The following STX6 variants were observed in gnomAD, a reference collection of about 807,000 sequenced individuals.
STX6 encodes the protein syntaxin 6.
A neutral mutation model predicts 38.0 loss-of-function variants in STX6; 23 were observed. That is an observed-to-expected ratio of 0.60 (90% CI 0.43 to 0.86). The LOEUF is 0.86. Among genes scored for constraint, STX6 ranks in the 40% least tolerant of loss-of-function variants. The pLI, the probability that STX6 is intolerant of heterozygous loss-of-function variation, is 0.00. For synonymous variants in STX6, 123 were observed against 107.5 expected, an observed-to-expected ratio of 1.14 and a Z score of -0.89; for missense variants, 274 against 312.9, an observed-to-expected ratio of 0.88 and a Z score of 0.94.
intron 1 of STX6, among the ~76,000 whole-genome samples, chr1:181,013,146 C>T (rs1177063915): frequency 1.4e-5 from 2 of 142,660 alleles, no homozygotes; most frequent in Non-Finnish European, 3.0e-5. Flanking sequence ...ACATTCAGTC[C>T]AAATACAGTC....
intron 7 of STX6, among the ~76,000 whole-genome samples, chr1:180,982,664 TACTTG>T (rs1316028376): frequency 1.3e-5 from 2 of 152,236 alleles, no homozygotes. Flanking sequence ...CTGAAGTAGC[TACTTG>T]ACTTTGCAAC....
chr1:180,996,544 A>T (rs866228510), intron 3 of STX6, among the ~76,000 whole-genome samples: 2 of 152,154 alleles, frequency 1.3e-5, no homozygotes, highest in African/African-American at 2.4e-5. Context: ...TATGACTGAT[A>T]AGGTCTTTTT....
chr1:181,005,251 G>T (rs1445152057), intron 2 of STX6, 43 bp downstream of exon 2: 1 of 1,565,328 alleles, frequency 6.4e-7, no homozygotes, highest in African/African-American at 1.4e-5. Flanking sequence ...TTGTCCATTT[G>T]TCTATTTATC....
At position 180,988,274 on chromosome 1, in the gene STX6, G is replaced by C; in HGVS notation, c.561C>G (p.Ser187=). 5 of 1,613,986 alleles carry C rather than the reference G, an allele frequency of 3.1e-6. No individual in the cohort carries two copies. In the South Asian group the frequency reaches 4.4e-5, roughly 14 times the overall value. The change falls in exon 6 of 8, where the codon TCC becomes TCG. Residue 187 remains serine (S), a synonymous_variant. Transcript: ENST00000258301. ...CCTCCAGCTCCCCTCCGATGCGCTG[G>C]GACATGTTCTTCAGCACCCCGATGC... ...SGSIGVLKNM[S]QRIGGELEEQ...
rs549554370 is a variant in STX6 at position 181,006,755 on chromosome 1, C to T, written c.36-1292G>A. Among the ~76,000 whole-genome samples, 52 of 152,076 alleles carry T rather than the reference C, an allele frequency of 3.4e-4. No individual in the cohort carries two copies. The South Asian group carries it at 9.4e-3, about 27-fold the overall frequency. ...GTTTCAAGTATTGGAAAAAAGAAAGCGCTAACAAAAATGAAAAAAAGCACC... is the reference window on the plus strand; with the variant it reads ...GTTTCAAGTATTGGAAAAAAGAAAGTGCTAACAAAAATGAAAAAAAGCACC... On this transcript the variant is annotated intron_variant, in intron 1 of 7. Transcript: ENST00000258301.
At chr1:180,991,776 C>G (rs1375422522) in intron 4 of STX6, among the ~76,000 whole-genome samples, 1 of 152,096 alleles carries the variant, frequency 6.6e-6, no homozygotes, top group Non-Finnish European at 1.5e-5. Context: ...CGTGGCAAGG[C>G]CCATGCCTGC....
At chr1:181,016,173 T>C (rs1656550067) in intron 1 of STX6, among the ~76,000 whole-genome samples, 1 of 152,232 alleles carries the variant, frequency 6.6e-6, no homozygotes, top group African/African-American at 2.4e-5. Context: ...GTATCAAGCA[T>C]GGTTTCTCAC....
intron 1 of STX6, among the ~76,000 whole-genome samples, chr1:181,011,645 G>A (rs1464678257): frequency 1.3e-5 from 2 of 152,174 alleles, no homozygotes; most frequent in African/African-American, 4.8e-5. Context: ...TCATAAAACA[G>A]TAACATATAA....
chr1:181,014,969 G>A (rs1478381490), intron 1 of STX6, among the ~76,000 whole-genome samples: 3 of 152,148 alleles, frequency 2.0e-5, no homozygotes, highest in Non-Finnish European at 4.4e-5. Context: ...TCAAAGTCAC[G>A]AGTGAATTTA....
intron 1 of STX6, among the ~76,000 whole-genome samples, chr1:181,019,204 C>T (rs533204744): frequency 6.6e-6 from 1 of 152,290 alleles, no homozygotes; most frequent in African/African-American, 2.4e-5. Flanking sequence ...TCTTCCAGAT[C>T]ATTTCTAACA....
Position 181,018,454 on chromosome 1 carries a change from C to T in STX6, c.35+4185G>A, listed in dbSNP as rs111805975. On this transcript the variant is annotated intron_variant, in intron 1 of 7. Transcript: ENST00000258301. ...ATAAAACCATATATAACGTATAATC[C>T]CAATTTTTAAAATGACCATATTATA... 4.2e-3 allele frequency among the ~76,000 whole-genome samples: 617 copies of T among 146,730 alleles called. 8 individuals are homozygous for T. The highest frequency in any genetic ancestry group is 0.014 in the African/African-American group (566 of 40,108).
intron 6 of STX6, among the ~76,000 whole-genome samples, chr1:180,986,991 G>C (rs1483402636): frequency 6.6e-6 from 1 of 152,132 alleles, no homozygotes; most frequent in Non-Finnish European, 1.5e-5. Context: ...TGACTCCACT[G>C]CAGCACATCA....
At chr1:181,012,918 C>T (rs867703782) in intron 1 of STX6, among the ~76,000 whole-genome samples, 1 of 152,078 alleles carries the variant, frequency 6.6e-6, no homozygotes, top group African/African-American at 2.4e-5. Context: ...AGGTGATCCA[C>T]CCACATTGAC....
Position 180,972,804 on chromosome 1 carries a change from G to C in STX6, c.*3766C>G, listed in dbSNP as rs2102294169. 3.1e-6 allele frequency: 1 copy of C among 326,208 alleles called. No individual in the cohort carries two copies. The highest frequency in any genetic ancestry group is 4.0e-5 in the Admixed American group (1 of 25,054). 20.2% of individuals were successfully genotyped at this position (326,208 alleles called of 1,614,324 possible). On this transcript the variant is annotated 3_prime_UTR_variant, in exon 8 of 8. Transcript: ENST00000258301. Reference sequence around the variant, plus strand: ...TCCTGAGTAACAGTATCTCTAAGCTGAGTTACTCTGATCGGAGCTACTGAA... The same window carrying C: ...TCCTGAGTAACAGTATCTCTAAGCTCAGTTACTCTGATCGGAGCTACTGAA...
Position 180,976,617 on chromosome 1 carries a change from G to C in STX6, c.721C>G (p.Leu241Val). 6.2e-7 allele frequency: 1 copy of C among 1,613,718 alleles called. No individual in the cohort carries two copies. Among genetic ancestry groups the C allele is most frequent in the Non-Finnish European group, 8.5e-7 (1 of 1,180,028 alleles). The stretch of plus-strand genomic sequence containing the variant: ...AGCACAACCAACAGGACTGCAAAGA[G>C]GATGGCTATGGCACACCATTGGCGC... ...DRRQWCAIAILFAVLLVVLIL... is the reference protein window; with the variant it reads ...DRRQWCAIAIVFAVLLVVLIL... The change falls in exon 8 of 8, where the codon CTC becomes GTC. Residue 241 changes from leucine to valine, a missense_variant. Physicochemically the swap from Leu to Val is conservative, Grantham distance 32 (BLOSUM62 1). Transcript: ENST00000258301.
At chr1:181,014,938 C>G (rs560848623) in intron 1 of STX6, among the ~76,000 whole-genome samples, 27 of 152,320 alleles carry the variant, frequency 1.8e-4, no homozygotes, top group South Asian at 6.2e-4. Flanking sequence ...GCTTCCACAA[C>G]TCCACCAATG....
intron 6 of STX6, among the ~76,000 whole-genome samples, chr1:180,986,182 G>C (rs892505225): frequency 5.9e-5 from 9 of 152,132 alleles, no homozygotes; most frequent in African/African-American, 2.2e-4. Flanking sequence ...CACCAACCAA[G>C]TTGCTAGCCC....
chr1:180,988,780 G>A (rs1655663294), intron 5 of STX6: 1 of 155,642 alleles, frequency 6.4e-6, no homozygotes, highest in Admixed American at 6.4e-5. Flanking sequence ...TGGATGTGGG[G>A]AAACTATGCA....
chr1:180,995,920 C>G (rs190696136), intron 3 of STX6, among the ~76,000 whole-genome samples: 4 of 152,230 alleles, frequency 2.6e-5, no homozygotes, highest in African/African-American at 9.6e-5. Context: ...GCTGGTAACA[C>G]CCTGCAATGC....
Sources: allele counts gnomAD v4.1 joint callset (sites outside exome capture counted in the v4.1 genomes callset), GRCh38; gene constraint gnomAD v4.1.1; transcripts MANE v1.5; gene names NCBI Gene and HGNC (gene_info 2026-07-23, HGNC 2026-07-21).